The following MRTFB variants were observed in gnomAD, a reference collection of about 807,000 sequenced individuals.
MRTFB encodes the protein myocardin related transcription factor B, also known as myocardin-related transcription factor B.
A neutral mutation model predicts 104.2 loss-of-function variants in MRTFB; 29 were observed. That is an observed-to-expected ratio of 0.28 (90% CI 0.21 to 0.38). The LOEUF (loss-of-function observed/expected upper bound fraction) is 0.38, where lower values mean the gene tolerates loss of function less well. Ranked by LOEUF, MRTFB falls within the 10% of genes least tolerant of loss-of-function variation. The probability of loss-of-function intolerance (pLI) is 1.00; values close to 1 mark genes in which losing one functional copy is unlikely to be tolerated. For synonymous variants in MRTFB, 535 were observed against 519.5 expected, an observed-to-expected ratio of 1.03 and a Z score of -0.41; for missense variants, 1,270 against 1,341.6, an observed-to-expected ratio of 0.95 and a Z score of 0.83.
At chr16:14,155,422 G>A (rs1380831283) in intron 3 of MRTFB, among the ~76,000 whole-genome samples, 1 of 151,872 alleles carries the variant, frequency 6.6e-6, no homozygotes, top group Admixed American at 6.6e-5. Flanking sequence ...TTCTGGGTCT[G>A]TTTTTATTGA....
chr16:14,229,906 CTTTTT>C (rs1263969094), intron 8 of MRTFB, among the ~76,000 whole-genome samples: 1 of 151,996 alleles, frequency 6.6e-6, no homozygotes, highest in Admixed American at 6.6e-5. Context: ...AAGTTTGCAG[CTTTTT>C]TTGTTTCTTT....
chr16:14,081,250 G>A (rs1426442386), intron 2 of MRTFB, among the ~76,000 whole-genome samples: 3 of 147,162 alleles, frequency 2.0e-5, no homozygotes, highest in Non-Finnish European at 4.5e-5. Context: ...TTAGTGCTGT[G>A]TAACACTGTT....
intron 2 of MRTFB, among the ~76,000 whole-genome samples, chr16:14,115,905 A>T (rs2036520057): frequency 1.3e-5 from 2 of 152,202 alleles, no homozygotes; most frequent in South Asian, 4.1e-4. Context: ...GCTCTGGGCC[A>T]CCATTAGGAC....
chr16:14,015,723 G>A, the MRTFB span: 2 of 387,432 alleles, frequency 5.2e-6, no homozygotes, highest in South Asian at 1.4e-4. Flanking sequence ...ACAGCTGATC[G>A]GTTAATAATG....
At chr16:14,038,120 G>A in the MRTFB span, among the ~76,000 whole-genome samples, 1 of 152,110 alleles carries the variant, frequency 6.6e-6, no homozygotes, top group Non-Finnish European at 1.5e-5. Flanking sequence ...CAAGACCAAG[G>A]TATCAGCAGG....
the MRTFB span, among the ~76,000 whole-genome samples, chr16:13,998,916 G>T: frequency 8.0e-6 from 1 of 124,794 alleles, no homozygotes; most frequent in Non-Finnish European, 1.6e-5. Context: ...AAAAAGGCCG[G>T]TCATGGGGGC....
intron 8 of MRTFB, among the ~76,000 whole-genome samples, chr16:14,227,827 A>C (rs771812186): frequency 1.3e-5 from 2 of 152,054 alleles, no homozygotes; most frequent in Non-Finnish European, 2.9e-5. Flanking sequence ...TTTTAAAAGC[A>C]GTCCAAAACA....
At chr16:14,213,342 A>G (rs1054594547) in intron 5 of MRTFB, among the ~76,000 whole-genome samples, 1 of 152,202 alleles carries the variant, frequency 6.6e-6, no homozygotes, top group Non-Finnish European at 1.5e-5. Flanking sequence ...ATACCAACAT[A>G]CTCTTCAAGT....
At chr16:14,243,864 G>GTTTT (rs56296807) in intron 10 of MRTFB, among the ~76,000 whole-genome samples, 2 of 124,648 alleles carry the variant, frequency 1.6e-5, no homozygotes, top group African/African-American at 7.6e-5. Context: ...CCTGTTTTGG[G>GTTTT]TTTTTTTTTT....
chr16:14,027,140 C>A, the MRTFB span, among the ~76,000 whole-genome samples: 15 of 152,116 alleles, frequency 9.9e-5, no homozygotes, highest in Non-Finnish European at 2.2e-4. Context: ...TAGTCCCAAA[C>A]CAGAAACAAC....
rs995690780 is a variant in MRTFB, at chr16:14,130,678, C to T, written c.-63-9866C>T. The stretch of plus-strand genomic sequence containing the variant: ...GTGTACATTTAATCTTTATAATAAT[C>T]CATGAGTTAGGTACTGTATTAGTTC... On this transcript the variant is annotated intron_variant, in intron 2 of 16. Coordinates refer to ENST00000571589, the MANE Select transcript of MRTFB (RefSeq NM_001308142.2). Among the ~76,000 whole-genome samples the T allele has an allele frequency of 2.0e-5, 3 of 152,102 alleles. No individual in the cohort carries two copies. The South Asian group carries it at 6.2e-4, about 32-fold the overall frequency.
intron 15 of MRTFB, among the ~76,000 whole-genome samples, chr16:14,254,309 AAGC>A (rs1315438086): frequency 1.3e-5 from 2 of 152,260 alleles, no homozygotes; most frequent in African/African-American, 2.4e-5. Context: ...TCATAACAAA[AAGC>A]AACTACCTGA....
intron 12 of MRTFB, 144 bp from the exon 13 acceptor site, chr16:14,248,782 G>T (rs1433337770): frequency 5.4e-6 from 4 of 742,020 alleles, no homozygotes; most frequent in Non-Finnish European, 8.4e-6. Context: ...TCAGATTTCT[G>T]TGCAGATGAA....
the MRTFB span, among the ~76,000 whole-genome samples, chr16:14,036,296 T>TATATATATATATA: frequency 2.0e-5 from 2 of 98,314 alleles, no homozygotes; most frequent in Non-Finnish European, 4.0e-5. Context: ...TTATATATAT[T>TATATATATATATA]TATATATATA....
intron 2 of MRTFB, among the ~76,000 whole-genome samples, chr16:14,106,430 C>T (rs72783471): frequency 0.057 from 8,677 of 152,246 alleles, 483 homozygotes; most frequent in East Asian, 0.28. Context: ...CTTACCTATA[C>T]TGTTAAGAAA....
chr16:14,253,572 A>C (rs1421690192), intron 15 of MRTFB, among the ~76,000 whole-genome samples: 1 of 152,160 alleles, frequency 6.6e-6, no homozygotes, highest in African/African-American at 2.4e-5. Flanking sequence ...CCCAGGGAGT[A>C]TGCAGTCATG....
intron 3 of MRTFB, among the ~76,000 whole-genome samples, chr16:14,184,341 G>A (rs1377633046): frequency 6.6e-6 from 1 of 151,432 alleles, no homozygotes; most frequent in East Asian, 1.9e-4. Context: ...TCTTGCCTCA[G>A]CCTCCCGAGC....
chr16:14,189,252 T>G (rs921185130), intron 3 of MRTFB, among the ~76,000 whole-genome samples: 10 of 152,206 alleles, frequency 6.6e-5, no homozygotes, highest in African/African-American at 2.4e-4. Context: ...CGGTTCTCTT[T>G]GCAAAATTGA....
In MRTFB at chr16:14,075,570, G is replaced by A. The variant is rs116854959; in HGVS notation, c.-128-3720G>A. ...CTCTGATTCAGTAGGTCTGGGCTGG[G>A]CCCATAGAATTTACATTGTTAACAA... On this transcript the variant is annotated intron_variant, in intron 1 of 16. Transcript: ENST00000571589. 9.9e-3 allele frequency among the ~76,000 whole-genome samples: 1,501 copies of A among 152,356 alleles called. 16 individuals are homozygous for A. The highest frequency in any genetic ancestry group is 0.017 in the Non-Finnish European group (1,129 of 68,028).
Sources: allele counts gnomAD v4.1 joint callset (sites outside exome capture counted in the v4.1 genomes callset), GRCh38; gene constraint gnomAD v4.1.1; transcripts MANE v1.5; gene names NCBI Gene and HGNC (gene_info 2026-07-23, HGNC 2026-07-21).